The following GTF2F2 variants were observed in gnomAD, a reference collection of about 807,000 sequenced individuals.
GTF2F2 encodes the protein general transcription factor IIF subunit 2, also known as ATP-dependent helicase GTF2F2.
Under a neutral mutation model 42.2 loss-of-function variants are expected in GTF2F2, and 23 were observed. The ratio of observed to expected loss-of-function variants is 0.55; its 90% CI spans 0.39 to 0.77. The LOEUF (loss-of-function observed/expected upper bound fraction) is 0.77. GTF2F2 is among the 30% of genes least tolerant of loss of function. GTF2F2 has a pLI of 0.00. For missense variants in GTF2F2, 261 were observed against 287.2 expected (o/e 0.91, Z 0.66); for synonymous variants, 105 against 100.8 (o/e 1.04, Z -0.25).
intron 7 of GTF2F2, among the ~76,000 whole-genome samples, chr13:45,273,600 C>G (rs1876892732): frequency 6.6e-6 from 1 of 151,422 alleles, no homozygotes; most frequent in Non-Finnish European, 1.5e-5. Flanking sequence ...ATGCCCTTAC[C>G]AATAAAATCT....
intron 1 of GTF2F2, among the ~76,000 whole-genome samples, chr13:45,135,884 G>A (rs1368130726): frequency 6.6e-6 from 1 of 152,194 alleles, no homozygotes; most frequent in Non-Finnish European, 1.5e-5. Flanking sequence ...AACTTTCAAG[G>A]TATGCCCTGA....
rs941457173 is a variant in GTF2F2 at position 45,252,799 on chromosome 13, A to G, written c.387-72A>G. On this transcript the variant is annotated intron_variant, in intron 5 of 7. Coordinates refer to ENST00000340473, the MANE Select transcript of GTF2F2 (RefSeq NM_004128.3). Reference sequence around the variant, plus strand: ...TATTAGTTTTCATTGAATAAGAATTATAGAAATAATAACTCTTCATATTTC... The same window carrying G: ...TATTAGTTTTCATTGAATAAGAATTGTAGAAATAATAACTCTTCATATTTC... 3.0e-4 allele frequency: 207 copies of G among 680,724 alleles called. 1 individual carries two copies. In the East Asian group the frequency reaches 6.2e-3, roughly 21 times the overall value. 42.2% of individuals were successfully genotyped at this position (680,724 alleles called of 1,614,324 possible).
intron 4 of GTF2F2, among the ~76,000 whole-genome samples, chr13:45,200,049 A>G (rs191747845): frequency 3.8e-4 from 58 of 152,220 alleles, no homozygotes; most frequent in Non-Finnish European, 7.6e-4. Context: ...TAACTGAGGT[A>G]CATCTTAATA....
intron 4 of GTF2F2, among the ~76,000 whole-genome samples, chr13:45,196,885 C>T (rs1872921691): frequency 6.6e-6 from 1 of 152,062 alleles, no homozygotes; most frequent in African/African-American, 2.4e-5. Flanking sequence ...TCAGTCATCA[C>T]CCCAGGGCCA....
At chr13:45,269,054 T>C in intron 7 of GTF2F2, among the ~76,000 whole-genome samples, 1 of 152,310 alleles carries the variant, frequency 6.6e-6, no homozygotes, top group Non-Finnish European at 1.5e-5. Flanking sequence ...ATATCATCCA[T>C]AGTTTGTATC....
At chr13:45,239,733 C>CA in intron 5 of GTF2F2, among the ~76,000 whole-genome samples, 1 of 152,140 alleles carries the variant, frequency 6.6e-6, no homozygotes. Context: ...ATATAATGGA[C>CA]ATAGTGTGGA....
At chr13:45,215,949 G>A (rs1477574827) in intron 5 of GTF2F2, among the ~76,000 whole-genome samples, 1 of 151,984 alleles carries the variant, frequency 6.6e-6, no homozygotes. Context: ...AAAAGCTCTT[G>A]GGAATGTGTA....
intron 1 of GTF2F2, among the ~76,000 whole-genome samples, chr13:45,131,942 A>C (rs1268388028): frequency 2.0e-5 from 3 of 150,708 alleles, no homozygotes; most frequent in African/African-American, 7.3e-5. Flanking sequence ...GAAAAGGTAG[A>C]GAAATCAGAC....
At chr13:45,246,757 G>A (rs761998985) in intron 5 of GTF2F2, among the ~76,000 whole-genome samples, 8 of 152,140 alleles carry the variant, frequency 5.3e-5, no homozygotes, top group Non-Finnish European at 8.8e-5. Context: ...AGCTTCATTG[G>A]CTGGGCACGG....
At chr13:45,130,783 T>C (rs1173214589) in intron 1 of GTF2F2, among the ~76,000 whole-genome samples, 2 of 152,202 alleles carry the variant, frequency 1.3e-5, no homozygotes, top group Non-Finnish European at 2.9e-5. Context: ...AAATTAGTTC[T>C]AGTATGGAGA....
chr13:45,177,673 C>T (rs1482584878), intron 4 of GTF2F2, among the ~76,000 whole-genome samples: 1 of 151,894 alleles, frequency 6.6e-6, no homozygotes, highest in Admixed American at 6.6e-5. Context: ...TTCAGATATG[C>T]CAAAGAGAAA....
At chr13:45,147,908 C>A (rs1440453065) in intron 2 of GTF2F2, among the ~76,000 whole-genome samples, 1 of 152,178 alleles carries the variant, frequency 6.6e-6, no homozygotes, top group African/African-American at 2.4e-5. Context: ...ATTTCCATGA[C>A]AGGTACATTT....
At chr13:45,190,039 A>G (rs888207989) in intron 4 of GTF2F2, among the ~76,000 whole-genome samples, 1 of 152,342 alleles carries the variant, frequency 6.6e-6, no homozygotes, top group Middle Eastern at 3.4e-3. Flanking sequence ...GCACAGCAAA[A>G]GAAACTGTCA....
At chr13:45,123,743 G>A (rs1868811852) in intron 1 of GTF2F2, among the ~76,000 whole-genome samples, 1 of 151,894 alleles carries the variant, frequency 6.6e-6, no homozygotes, top group East Asian at 1.9e-4. Context: ...AAAATATCCA[G>A]GACCTGTACT....
chr13:45,264,911 C>T (rs1876500490), intron 6 of GTF2F2, among the ~76,000 whole-genome samples: 1 of 152,154 alleles, frequency 6.6e-6, no homozygotes, highest in African/African-American at 2.4e-5. Flanking sequence ...CAAGAAACAG[C>T]CTACTGAAGG....
intron 1 of GTF2F2, among the ~76,000 whole-genome samples, chr13:45,134,597 C>T (rs766916183): frequency 2.6e-5 from 4 of 152,074 alleles, no homozygotes; most frequent in Non-Finnish European, 4.4e-5. Context: ...GTACAGTCAT[C>T]GTAAGGAGTT....
chr13:45,160,352 G>A (rs1593462339), intron 4 of GTF2F2, among the ~76,000 whole-genome samples: 1 of 152,346 alleles, frequency 6.6e-6, no homozygotes, highest in South Asian at 2.1e-4. Context: ...TTTTCAGATA[G>A]TTGTGGACAT....
intron 5 of GTF2F2, among the ~76,000 whole-genome samples, chr13:45,236,568 A>G (rs1429790520): frequency 9.2e-5 from 14 of 151,934 alleles, no homozygotes; most frequent in Admixed American, 9.2e-4. Context: ...TGGAGTATAA[A>G]AATCTAATCT....
rs760477321 is a variant in GTF2F2, at chr13:45,276,693, G to T, written c.631-6749G>T. 9.2e-5 allele frequency among the ~76,000 whole-genome samples: 14 copies of T among 152,166 alleles called. No homozygotes were observed. The Middle Eastern group carries it at 0.01, about 111-fold the overall frequency. On this transcript the variant is annotated intron_variant, in intron 7 of 7. Transcript: ENST00000340473. ...TGACCTCAGGTGATCCACCTGCCTC[G>T]GCCTCCCAAAGTGCTGGGATTACAG...
Sources: allele counts gnomAD v4.1 joint callset (sites outside exome capture counted in the v4.1 genomes callset), GRCh38; gene constraint gnomAD v4.1.1; transcripts MANE v1.5; gene names NCBI Gene and HGNC (gene_info 2026-07-23, HGNC 2026-07-21).